Variants in SCAMP1 observed in about 807,000 individuals in gnomAD.
SCAMP1 encodes secretory carrier membrane protein 1, also known as secretory carrier-associated membrane protein 1.
In SCAMP1, 15 loss-of-function variants were observed where a neutral mutation model predicts 41.8. The ratio of observed to expected loss-of-function variants is 0.36; its 90% CI spans 0.24 to 0.55. The LOEUF (loss-of-function observed/expected upper bound fraction) is 0.55. Ranked by LOEUF, SCAMP1 falls within the 20% of genes least tolerant of loss-of-function variation. The pLI is 0.86. For synonymous variants in SCAMP1, 135 were observed against 136.8 expected (o/e 0.99, Z 0.09); for missense variants, 341 against 412.6 (o/e 0.83, Z 1.50).
At chr5:78,469,890 TA>T (rs141989832) in intron 8 of SCAMP1, among the ~76,000 whole-genome samples, 952 of 15,008 alleles carry the variant, frequency 0.063, 26 homozygotes, top group African/African-American at 0.13. Context: ...TACAAGACAT[TA>T]AAAAAAAAAA....
At chr5:78,424,935 G>C (rs1752429725) in intron 6 of SCAMP1, among the ~76,000 whole-genome samples, 1 of 152,214 alleles carries the variant, frequency 6.6e-6, no homozygotes, top group Admixed American at 6.5e-5. Context: ...TTAAAAAGCT[G>C]TGCGGTTCTG....
chr5:78,360,837 C>G lies in SCAMP1; in HGVS notation c.57+109C>G, dbSNP rs966259287. On this transcript the variant is annotated intron_variant, in intron 1 of 8. Transcript: ENST00000621999. Reference sequence around the variant, plus strand: ...CTGCCCCTCGGCTCCCCTTAGCAGCCCAGAGAGGGGCGCGGGGCCGCCGTC... The same window carrying G: ...CTGCCCCTCGGCTCCCCTTAGCAGCGCAGAGAGGGGCGCGGGGCCGCCGTC... 116 of 1,127,114 alleles carry G rather than the reference C, an allele frequency of 1.0e-4. No homozygotes were observed. The African/African-American group carries it at 1.7e-3, about 17-fold the overall frequency. 69.8% of individuals were successfully genotyped at this position (1,127,114 alleles called of 1,614,324 possible).
chr5:78,457,437 C>T (rs1160108780), intron 7 of SCAMP1, among the ~76,000 whole-genome samples: 1 of 151,972 alleles, frequency 6.6e-6, no homozygotes, highest in Non-Finnish European at 1.5e-5. Context: ...TGTTGGAATA[C>T]CCTGTCGTGT....
chr5:78,449,499 A>G (rs1036502578), intron 6 of SCAMP1, among the ~76,000 whole-genome samples: 2 of 152,246 alleles, frequency 1.3e-5, no homozygotes, highest in Non-Finnish European at 2.9e-5. Context: ...AAGGGGCTCA[A>G]GGAAACTTTG....
intron 6 of SCAMP1, among the ~76,000 whole-genome samples, chr5:78,437,062 A>G (rs1244809899): frequency 6.6e-6 from 1 of 152,194 alleles, no homozygotes; most frequent in Non-Finnish European, 1.5e-5. Flanking sequence ...ATTTTTGCAC[A>G]TTGATTTTGT....
rs1753842478 is a variant in SCAMP1, at chr5:78,469,930, A to C, written c.853-5574A>C. Among the ~76,000 whole-genome samples, 19 of 21,090 alleles carry C rather than the reference A, an allele frequency of 9.0e-4. 1 individual carries two copies. The highest frequency in any genetic ancestry group is 4.0e-3 in the East Asian group (2 of 494). 13.8% of individuals were successfully genotyped at this position (21,090 alleles called of 152,430 possible). On this transcript the variant is annotated intron_variant, in intron 8 of 8. Transcript: ENST00000621999. ...AAAAAAAACAAAAAAAAAAAAAAAA[A>C]AACAACAACACAGCCCAGGCATGGT... is the stretch of plus-strand genomic sequence containing the variant.
intron 1 of SCAMP1, among the ~76,000 whole-genome samples, chr5:78,376,188 A>C (rs1751060550): frequency 6.6e-6 from 1 of 152,140 alleles, no homozygotes; most frequent in Non-Finnish European, 1.5e-5. Flanking sequence ...CTTTATTTCT[A>C]GCCGGCCGAC....
At chr5:78,361,982 G>T (rs1227494261) in intron 1 of SCAMP1, among the ~76,000 whole-genome samples, 1 of 152,194 alleles carries the variant, frequency 6.6e-6, no homozygotes, top group Non-Finnish European at 1.5e-5. Context: ...TCACTTTGTA[G>T]CAGTGTAGAA....
intron 1 of SCAMP1, among the ~76,000 whole-genome samples, chr5:78,385,042 T>C (rs1751308886): frequency 6.6e-6 from 1 of 152,202 alleles, no homozygotes; most frequent in African/African-American, 2.4e-5. Context: ...CTTCATTGAA[T>C]GTCTGATGGA....
At chr5:78,443,003 G>A (rs144941885) in intron 6 of SCAMP1, among the ~76,000 whole-genome samples, 220 of 152,110 alleles carry the variant, frequency 1.4e-3, no homozygotes, top group African/African-American at 5.0e-3. Context: ...TCAGGAGTTC[G>A]AGACCATCTT....
chr5:78,475,040 T>C (rs1254122810), intron 8 of SCAMP1, among the ~76,000 whole-genome samples: 1 of 152,202 alleles, frequency 6.6e-6, no homozygotes, highest in Non-Finnish European at 1.5e-5. Flanking sequence ...GTACATTAAA[T>C]GATAAAATGA....
intron 6 of SCAMP1, among the ~76,000 whole-genome samples, chr5:78,430,823 G>T (rs1486728315): frequency 1.3e-5 from 2 of 151,980 alleles, no homozygotes; most frequent in Admixed American, 1.3e-4. Flanking sequence ...CACACAGTAA[G>T]TTAACTGACT....
intron 1 of SCAMP1, among the ~76,000 whole-genome samples, chr5:78,386,033 C>G (rs370737820): frequency 6.6e-6 from 1 of 152,096 alleles, no homozygotes; most frequent in Non-Finnish European, 1.5e-5. Context: ...GATGACCTGT[C>G]TAGTGCTGTC....
intron 2 of SCAMP1, among the ~76,000 whole-genome samples, chr5:78,393,005 G>A (rs1458815822): frequency 6.6e-6 from 1 of 152,204 alleles, no homozygotes; most frequent in Non-Finnish European, 1.5e-5. Flanking sequence ...GGTCAAGAAG[G>A]AAGATCTTCT....
chr5:78,376,184 T>C (rs1580646162), intron 1 of SCAMP1, among the ~76,000 whole-genome samples: 2 of 152,290 alleles, frequency 1.3e-5, no homozygotes, highest in Middle Eastern at 3.4e-3. Flanking sequence ...CTCTCTTTAT[T>C]TCTAGCCGGC....
At chr5:78,408,419 G>A (rs1426125102) in intron 2 of SCAMP1, among the ~76,000 whole-genome samples, 1 of 152,044 alleles carries the variant, frequency 6.6e-6, no homozygotes, top group Non-Finnish European at 1.5e-5. Context: ...ATTTGGGTGG[G>A]GACACAGCCA....
intron 8 of SCAMP1, among the ~76,000 whole-genome samples, chr5:78,459,715 T>C (rs1753536429): frequency 6.6e-6 from 1 of 152,236 alleles, no homozygotes; most frequent in Non-Finnish European, 1.5e-5. Context: ...AAAATTATTA[T>C]GTGATATGTA....
chr5:78,418,598 A>C (rs930968326), intron 4 of SCAMP1, among the ~76,000 whole-genome samples, 177 bp from the exon 5 acceptor site: 6 of 152,160 alleles, frequency 3.9e-5, no homozygotes, highest in African/African-American at 1.4e-4. Flanking sequence ...ATTCTGAGAA[A>C]ATTTTTTAAA....
rs59969661 is a variant in SCAMP1 at position 78,409,422 on chromosome 5, T to TACACACAC, written c.136-6079_136-6072dup. ...AGATAGAGACAGAGACACATATAGA[T>TACACACAC]ACACACACACACACACACACACACA... On this transcript the variant is annotated intron_variant, in intron 2 of 8. Transcript: ENST00000621999. Among the ~76,000 whole-genome samples, 479 of 148,898 alleles carry TACACACAC rather than the reference T, an allele frequency of 3.2e-3. 4 individuals are homozygous for TACACACAC. The highest frequency in any genetic ancestry group is 6.2e-3 in the East Asian group (31 of 5,020).
Sources: gnomAD v4.1 joint callset for allele counts (sites outside exome capture counted in the v4.1 genomes callset) on GRCh38, gnomAD v4.1.1 for gene constraint, MANE v1.5 for transcripts, NCBI Gene and HGNC (gene_info 2026-07-23, HGNC 2026-07-21) for gene names.